Variants in SMOC2 observed in about 807,000 individuals in gnomAD.
The protein encoded by SMOC2 is SPARC related modular calcium binding 2.
SMOC2 carries 39 observed loss-of-function variants against 61.4 expected under a neutral mutation model. The observed-to-expected ratio is 0.64, with a 90% confidence interval of 0.49 to 0.83. SMOC2 has a LOEUF of 0.83. Ranked by LOEUF, SMOC2 falls within the 40% of genes least tolerant of loss-of-function variation. The probability of loss-of-function intolerance (pLI) is 0.00; values close to 1 mark genes in which losing one functional copy is unlikely to be tolerated. For synonymous variants in SMOC2, 247 were observed against 239.9 expected (o/e 1.03, Z -0.27); for missense variants, 556 against 592.9 (o/e 0.94, Z 0.65).
chr6:168,539,324 A>G (rs1783822461), intron 4 of SMOC2, among the ~76,000 whole-genome samples: 1 of 152,198 alleles, frequency 6.6e-6, no homozygotes, highest in Non-Finnish European at 1.5e-5. Flanking sequence ...GAGAATCCCC[A>G]CGGGGCTGGC....
At chr6:168,516,500 C>CT (rs1783137576) in intron 2 of SMOC2, among the ~76,000 whole-genome samples, 1 of 152,116 alleles carries the variant, frequency 6.6e-6, no homozygotes, top group Admixed American at 6.5e-5. Context: ...ACGGGCGAGT[C>CT]TCAGTGAAGG....
chr6:168,631,667 T>C (rs1268984602), intron 9 of SMOC2, among the ~76,000 whole-genome samples: 5 of 149,712 alleles, frequency 3.3e-5, no homozygotes, highest in Non-Finnish European at 7.3e-5. Context: ...GGTTGTGTTT[T>C]CATATTTCCT....
intron 4 of SMOC2, among the ~76,000 whole-genome samples, chr6:168,542,745 G>A (rs919175327): frequency 1.3e-5 from 2 of 151,952 alleles, no homozygotes; most frequent in Non-Finnish European, 2.9e-5. Context: ...TAAATTTCCT[G>A]CCACATTACT....
intron 1 of SMOC2, among the ~76,000 whole-genome samples, chr6:168,468,749 G>A (rs997741527): frequency 2.0e-5 from 3 of 152,074 alleles, no homozygotes; most frequent in Non-Finnish European, 2.9e-5. Context: ...GGCCAGGCTG[G>A]TCTCAAACTC....
At chr6:168,557,160 T>C (rs1304894224) in intron 7 of SMOC2, among the ~76,000 whole-genome samples, 1 of 152,166 alleles carries the variant, frequency 6.6e-6, no homozygotes, top group Non-Finnish European at 1.5e-5. Context: ...ATTTCTAAGT[T>C]TTTCGTGTTT....
intron 7 of SMOC2, among the ~76,000 whole-genome samples, chr6:168,580,725 T>C (rs1388826406): frequency 6.6e-6 from 1 of 152,164 alleles, no homozygotes; most frequent in Non-Finnish European, 1.5e-5. Context: ...TCGTTTTTCA[T>C]AGTGATGAGG....
intron 9 of SMOC2, among the ~76,000 whole-genome samples, chr6:168,615,654 C>T (rs1218148494): frequency 1.1e-5 from 1 of 91,198 alleles, no homozygotes; most frequent in African/African-American, 4.2e-5. Context: ...TACCTACAGC[C>T]AGCACAGGGG....
chr6:168,602,806 C>T lies in SMOC2; in HGVS notation c.824+3802C>T, dbSNP rs569092840. ...GCCCAGTGAGGGCAGGTCAGGGTGC[C>T]GGCACAGGCCTCTCTAGGGCCGAGA... On this transcript the variant is annotated intron_variant, in intron 8 of 12. Coordinates refer to ENST00000356284, the MANE Select transcript of SMOC2 (RefSeq NM_001166412.2). 1.2e-4 allele frequency among the ~76,000 whole-genome samples: 18 copies of T among 152,254 alleles called. No individual in the cohort carries two copies. The South Asian group carries it at 2.3e-3, about 19-fold the overall frequency.
At chr6:168,598,203 C>A (rs1785377792) in intron 7 of SMOC2, among the ~76,000 whole-genome samples, 1 of 152,224 alleles carries the variant, frequency 6.6e-6, no homozygotes, top group African/African-American at 2.4e-5. Flanking sequence ...TAGCGTGCAC[C>A]TGTTCTGCTT....
chr6:168,461,474 A>G (rs1781718090), intron 1 of SMOC2, among the ~76,000 whole-genome samples: 1 of 152,212 alleles, frequency 6.6e-6, no homozygotes, highest in South Asian at 2.1e-4. Flanking sequence ...CCTAAAAATG[A>G]ACTTTTATGA....
chr6:168,657,759 A>G (rs762371055), intron 11 of SMOC2, among the ~76,000 whole-genome samples: 7 of 152,118 alleles, frequency 4.6e-5, no homozygotes, highest in African/African-American at 7.2e-5. Flanking sequence ...CCCAAATAGA[A>G]GGGCGAAGAG....
rs59051123 is a variant in SMOC2, at chr6:168,658,535, CCT to C, written c.1285+5309_1285+5310del. ...GTAAGCCACGCATGGCTTCTGCCCTCCTCAGCCTGGTGCTACAGGGTCATGTG... is the reference window on the plus strand; with the variant it reads ...GTAAGCCACGCATGGCTTCTGCCCTCCAGCCTGGTGCTACAGGGTCATGTG... On this transcript the variant is annotated intron_variant, in intron 11 of 12. Transcript: ENST00000356284. Among the ~76,000 whole-genome samples the C allele has an allele frequency of 9.1e-3, 1,386 of 152,260 alleles. 30 individuals are homozygous for C. The highest frequency in any genetic ancestry group is 0.032 in the African/African-American group (1,324 of 41,536).
intron 1 of SMOC2, among the ~76,000 whole-genome samples, chr6:168,445,442 A>G (rs9355218): frequency 0.29 from 44,622 of 152,164 alleles, 8,416 homozygotes; most frequent in African/African-American, 0.52. Flanking sequence ...ATATTTAGCC[A>G]TGTGTAATTT....
intron 2 of SMOC2, among the ~76,000 whole-genome samples, chr6:168,525,235 G>A (rs1783426136): frequency 6.6e-6 from 1 of 152,250 alleles, no homozygotes; most frequent in South Asian, 2.1e-4. Context: ...GCCCATGGCA[G>A]CCAACGTGAC....
At chr6:168,518,349 CGT>C (rs1039776395) in intron 2 of SMOC2, among the ~76,000 whole-genome samples, 2 of 150,156 alleles carry the variant, frequency 1.3e-5, no homozygotes, top group Non-Finnish European at 3.0e-5. Context: ...GGTGTGTGTG[CGT>C]GAGTGCGAAT....
chr6:168,607,661 T>C (rs1310363040), intron 8 of SMOC2, among the ~76,000 whole-genome samples: 2 of 148,532 alleles, frequency 1.3e-5, no homozygotes, highest in Non-Finnish European at 3.0e-5. Flanking sequence ...CCTTTGGTGC[T>C]ACAGGAATCT....
chr6:168,497,284 G>C (rs1490576893), intron 1 of SMOC2, among the ~76,000 whole-genome samples: 4 of 152,232 alleles, frequency 2.6e-5, no homozygotes, highest in Admixed American at 2.6e-4. Context: ...ATCTTCGTGT[G>C]TTCCTGGGTG....
intron 1 of SMOC2, among the ~76,000 whole-genome samples, chr6:168,506,311 T>C (rs2115048068): frequency 2.0e-5 from 3 of 152,276 alleles, no homozygotes. Context: ...TCTGGGGTTA[T>C]AGGTGTGAGC....
chr6:168,518,573 CAA>C (rs766554726), intron 2 of SMOC2, among the ~76,000 whole-genome samples: 6 of 141,062 alleles, frequency 4.3e-5, no homozygotes, highest in East Asian at 2.2e-4. Flanking sequence ...ATGTATGTGA[CAA>C]TGCATGTATG....
Sources: allele counts gnomAD v4.1 joint callset (sites outside exome capture counted in the v4.1 genomes callset), GRCh38; gene constraint gnomAD v4.1.1; transcripts MANE v1.5; gene names NCBI Gene and HGNC (gene_info 2026-07-23, HGNC 2026-07-21).